KIFC3: variants seen among roughly 807,000 people sequenced by gnomAD.
The protein encoded by KIFC3 is kinesin family member C3.
A neutral mutation model predicts 101.8 loss-of-function variants in KIFC3; 60 were observed. The observed-to-expected ratio is 0.59, with a 90% CI of 0.48 to 0.73. The LOEUF (loss-of-function observed/expected upper bound fraction) is 0.73. Ranked by LOEUF, KIFC3 falls within the 30% of genes least tolerant of loss-of-function variation. The pLI is 0.00. For missense variants in KIFC3, 966 were observed against 1,137.1 expected (o/e 0.85, Z 2.16); for synonymous variants, 476 against 482.7 (o/e 0.99, Z 0.18).
rs371169806 is a variant in KIFC3 at position 57,789,372 on chromosome 16, G to GA, written c.315+5626dup. Among the ~76,000 whole-genome samples the GA allele has an allele frequency of 5.9e-5, 9 of 152,388 alleles. No individual in the cohort carries two copies. The East Asian group carries it at 1.7e-3, about 29-fold the overall frequency. ...GCACAGGGAGAGAGAGGGGAGGCACGAAGAGGTGTTTCATCCAGAGAACGT... is the reference window on the plus strand; with the variant it reads ...GCACAGGGAGAGAGAGGGGAGGCACGAAAGAGGTGTTTCATCCAGAGAACGT... On this transcript the variant is annotated intron_variant, in intron 3 of 19. Transcript: ENST00000445690.
Position 57,847,259 on chromosome 16 carries a change from GAAGGA to G in KIFC3, c.108+15465_108+15469del, listed in dbSNP as rs2055946620. Among the ~76,000 whole-genome samples, 15 of 96,470 alleles carry G rather than the reference GAAGGA, an allele frequency of 1.6e-4. No individual in the cohort carries two copies. In the South Asian group the frequency reaches 5.9e-3, roughly 38 times the overall value. The allele number at this position is 96,470 out of a possible 152,430, so 63.3% of individuals were successfully genotyped here. Reference sequence around the variant, plus strand: ...GGAAGGAAGGAAGGAAGGAAGGAAGGAAGGAAGGAAGGGAAGGGAGGGAGGGAGAG... The same window carrying G: ...GGAAGGAAGGAAGGAAGGAAGGAAGGAGGAAGGGAAGGGAGGGAGGGAGAG... On this transcript the variant is annotated intron_variant, in intron 1 of 2. Transcript: ENST00000563028.
chr16:57,761,393 A>C lies in KIFC3; in HGVS notation c.1872+20T>G. On this transcript the variant is annotated intron_variant, in intron 14 of 19. Coordinates refer to ENST00000445690, the MANE Select transcript of KIFC3 (RefSeq NM_001130100.2). ...CCTCTAGAGCAGTGTGGCTGTGGTC[A>C]GGGGCTCCCGCCTCCACACCTTGTT... The C allele has an allele frequency of 1.2e-6, 2 of 1,613,830 alleles. No homozygotes were observed. The highest frequency in any genetic ancestry group is 1.7e-6 in the Non-Finnish European group (2 of 1,179,838).
At chr16:57,860,371 T>C (rs1206473831) in intron 1 of KIFC3, among the ~76,000 whole-genome samples, 3 of 152,154 alleles carry the variant, frequency 2.0e-5, no homozygotes, top group Non-Finnish European at 4.4e-5. Flanking sequence ...GAGAATCACT[T>C]GAACTTGGGA....
At chr16:57,816,521 G>A (rs576077815) in intron 1 of KIFC3, 24 of 456,822 alleles carry the variant, frequency 5.3e-5, no homozygotes, top group Admixed American at 1.6e-4. Flanking sequence ...CCTTGTCTGC[G>A]CCTTACAAAA....
chr16:57,765,541 G>A lies in KIFC3; in HGVS notation c.1430C>T (p.Ser477Phe). 1 of 1,599,616 alleles carries A rather than the reference G, an allele frequency of 6.3e-7. No individual in the cohort carries two copies. Among genetic ancestry groups the A allele is most frequent in the Non-Finnish European group, 8.5e-7 (1 of 1,172,504 alleles). ...NAVTFDADDD[S>F]IIHLLHKGKP... ...GCCCTTGTGCAGCAGGTGGATGATG[G>A]AGTCGTCGTCGGCATCGAAAGTCAC... The change falls in exon 11 of 20, where the codon TCC becomes TTC. Residue 477 changes from serine to phenylalanine, a missense_variant. Ser to Phe is a radical substitution (Grantham distance 155). Around this residue, in one of 2 missense-constraint regions of KIFC3, gnomAD observed 689 missense variants for 884.6 expected, o/e 0.78. Coordinates refer to ENST00000445690, the MANE Select transcript of KIFC3 (RefSeq NM_001130100.2).
rs973649619 is a variant in KIFC3 at position 57,769,120 on chromosome 16, G to A, written c.1218+475C>T. On this transcript the variant is annotated intron_variant, in intron 9 of 19. Coordinates refer to ENST00000445690, the MANE Select transcript of KIFC3 (RefSeq NM_001130100.2). The surrounding 1 kb of genome is among the most constrained non-coding windows in gnomAD (Gnocchi z 4.3). Reference sequence around the variant, plus strand: ...ATGATCTTGGTTCACCGCAACCTCCGCCTTCTGGGTTCAAGTGATTCTCCT... The same window carrying A: ...ATGATCTTGGTTCACCGCAACCTCCACCTTCTGGGTTCAAGTGATTCTCCT... 2.0e-4 allele frequency among the ~76,000 whole-genome samples: 31 copies of A among 152,140 alleles called. No homozygotes were observed. The highest frequency in any genetic ancestry group is 6.5e-4 in the African/African-American group (27 of 41,406).
At chr16:57,765,103 A>G (rs2050326913) in intron 11 of KIFC3, among the ~76,000 whole-genome samples, 1 of 151,398 alleles carries the variant, frequency 6.6e-6, no homozygotes, top group South Asian at 2.1e-4. Flanking sequence ...AGGAGGGGCC[A>G]CATGGTGGGA....
intron 1 of KIFC3, among the ~76,000 whole-genome samples, chr16:57,810,374 A>G (rs1330335765): frequency 1.3e-5 from 2 of 152,164 alleles, no homozygotes; most frequent in Admixed American, 1.3e-4. Flanking sequence ...CCTCTCCCCT[A>G]GCTCTGGTCC....
In KIFC3 at chr16:57,759,753, G is replaced by A; in HGVS notation, c.2451C>T (p.Ser817=). 4 of 1,611,042 alleles carry A rather than the reference G, an allele frequency of 2.5e-6. No homozygotes were observed. The highest frequency in any genetic ancestry group is 3.4e-6 in the Non-Finnish European group (4 of 1,178,820). The change falls in exon 18 of 20, where the codon TCC becomes TCT. Residue 817 remains serine, a synonymous_variant. Coordinates refer to ENST00000445690, the MANE Select transcript of KIFC3 (RefSeq NM_001130100.2). ...CCGAGGGCTGCAGCTTCCTCCGGAT[G>A]GATCCAGGGCGGCTACTGGTCCCAG... is the stretch of plus-strand genomic sequence containing the variant. ...PSSGTSSRPG[S]IRRKLQPSA
intron 1 of KIFC3, among the ~76,000 whole-genome samples, chr16:57,847,265 A>AGGGAAGGGAAG (rs144614527): frequency 1.7e-5 from 1 of 58,566 alleles, no homozygotes; most frequent in South Asian, 7.3e-4. Flanking sequence ...GAAGGAAGGA[A>AGGGAAGGGAAG]GGAAGGGAAG....
intron 1 of KIFC3, among the ~76,000 whole-genome samples, chr16:57,801,925 C>G (rs1309750109): frequency 6.6e-6 from 1 of 152,230 alleles, no homozygotes; most frequent in Non-Finnish European, 1.5e-5. Flanking sequence ...GGCGGGCGCA[C>G]CCCGCCCCAG....
At chr16:57,784,477 T>C (rs2053108975) in intron 3 of KIFC3, among the ~76,000 whole-genome samples, 1 of 152,214 alleles carries the variant, frequency 6.6e-6, no homozygotes, top group African/African-American at 2.4e-5. Flanking sequence ...CACAATATGC[T>C]GCCCCCAGAA....
intron 1 of KIFC3, among the ~76,000 whole-genome samples, chr16:57,847,674 C>A (rs990464591): frequency 6.6e-6 from 1 of 151,512 alleles, no homozygotes; most frequent in Non-Finnish European, 1.5e-5. Context: ...GATATAAATG[C>A]GTAAGAGAAC....
chr16:57,818,518 C>A (rs180880463), intron 1 of KIFC3, among the ~76,000 whole-genome samples: 13 of 152,210 alleles, frequency 8.5e-5, no homozygotes, highest in Admixed American at 4.6e-4. Context: ...GCATGTGCTA[C>A]GAAGCCCAGC....
At position 57,798,094 on chromosome 16, in the gene KIFC3, G is replaced by A. The variant is rs782038618; in HGVS notation, c.150C>T (p.Thr50=). 7.5e-6 allele frequency: 12 copies of A among 1,592,180 alleles called. No individual in the cohort carries two copies. The highest frequency in any genetic ancestry group is 2.3e-5 in the East Asian group (1 of 43,790). Residue 50 remains threonine, a synonymous_variant, in exon 2 of 20, where the codon ACC becomes ACT. Coordinates refer to ENST00000445690, the MANE Select transcript of KIFC3 (RefSeq NM_001130100.2). ...CACCAGTTCTCAACCTCCCCGGGCC[G>A]GTGTGTGGGAAAGGGCGGGCGGCCG... ...ASPAARPFPH[T]GPGRLRTGRG...
intron 1 of KIFC3, 149 bp from the exon 2 acceptor site, chr16:57,798,431 C>T: frequency 1.4e-6 from 1 of 698,048 alleles, no homozygotes; most frequent in South Asian, 1.7e-5. Flanking sequence ...CCCCAAAGAC[C>T]CTAGGGCTCG....
intron 1 of KIFC3, among the ~76,000 whole-genome samples, chr16:57,811,026 A>G (rs1248105173): frequency 1.3e-5 from 2 of 152,208 alleles, no homozygotes; most frequent in Admixed American, 6.5e-5. Context: ...GGCTACAGCC[A>G]CAAGGAAGTG....
At chr16:57,835,592 G>GA (rs1555480204) in intron 1 of KIFC3, among the ~76,000 whole-genome samples, 1 of 152,172 alleles carries the variant, frequency 6.6e-6, no homozygotes, top group Non-Finnish European at 1.5e-5. Context: ...CATAGACTAG[G>GA]AACAGAGGAA....
chr16:57,829,411 A>C (rs1477848401), intron 1 of KIFC3, among the ~76,000 whole-genome samples: 15 of 151,690 alleles, frequency 9.9e-5, no homozygotes, highest in African/African-American at 3.4e-4. Context: ...GTGCCACCAT[A>C]TCTAGCTAAT....
Sources: gnomAD v4.1 joint callset for allele counts (sites outside exome capture counted in the v4.1 genomes callset) on GRCh38, gnomAD v4.1.1 for gene constraint, gnomAD v4.1.1 regional missense constraint, Gnocchi (gnomAD v3.1) non-coding constraint, MANE v1.5 for transcripts, NCBI Gene and HGNC (gene_info 2026-07-23, HGNC 2026-07-21) for gene names.